KALRN: variants seen among roughly 807,000 people sequenced by gnomAD.
KALRN encodes kalirin.
KALRN carries 70 observed loss-of-function variants against 353.7 expected under a neutral mutation model. The observed-to-expected ratio is 0.20, with a 90% confidence interval of 0.16 to 0.24. KALRN has a LOEUF of 0.24. Ranked by LOEUF, KALRN falls within the 10% of genes least tolerant of loss-of-function variation. The probability of loss-of-function intolerance (pLI) is 1.00; values close to 1 mark genes in which losing one functional copy is unlikely to be tolerated. For synonymous variants in KALRN, 1,391 were observed against 1,434.8 expected (o/e 0.97, Z 0.69); for missense variants, 2,791 against 3,756.7 (o/e 0.74, Z 6.72).
At chr3:124,048,819 G>A (rs2040765699) in intron 1 of KALRN, among the ~76,000 whole-genome samples, 1 of 152,200 alleles carries the variant, frequency 6.6e-6, no homozygotes, top group African/African-American at 2.4e-5. Flanking sequence ...ACATTCTGTT[G>A]TGAGGATGTG....
chr3:124,655,802 T>C, intron 39 of KALRN, 135 bp downstream of exon 39: 1 of 666,074 alleles, frequency 1.5e-6, no homozygotes, highest in Non-Finnish European at 2.7e-6. Flanking sequence ...AAAATAAAAA[T>C]GGTAATAAGT....
intron 33 of KALRN, among the ~76,000 whole-genome samples, chr3:124,557,632 T>C (rs983652453): frequency 1.3e-5 from 2 of 152,230 alleles, no homozygotes; most frequent in African/African-American, 4.8e-5. Context: ...CCTGTGAGGC[T>C]GTTCATATGT....
intron 1 of KALRN, among the ~76,000 whole-genome samples, chr3:124,137,798 C>T (rs1281216565): frequency 6.6e-6 from 1 of 152,044 alleles, no homozygotes; most frequent in African/African-American, 2.4e-5. Context: ...AAAAATGGTG[C>T]TCTGGGTGTG....
chr3:124,673,112 C>T (rs2086667351), intron 48 of KALRN, among the ~76,000 whole-genome samples: 1 of 152,046 alleles, frequency 6.6e-6, no homozygotes, highest in Admixed American at 6.5e-5. Context: ...GGGCCAGATG[C>T]GCTGGCTCAC....
chr3:124,522,727 C>A (rs554661140), intron 33 of KALRN, among the ~76,000 whole-genome samples: 2 of 152,202 alleles, frequency 1.3e-5, no homozygotes, highest in Non-Finnish European at 2.9e-5. Flanking sequence ...CCAGGGACCA[C>A]AGTCTGAGAA....
chr3:124,307,189 G>C (rs2077784122), intron 6 of KALRN, among the ~76,000 whole-genome samples: 1 of 151,980 alleles, frequency 6.6e-6, no homozygotes, highest in South Asian at 2.1e-4. Flanking sequence ...GTATTGTTGG[G>C]CCTATAACAT....
intron 56 of KALRN, among the ~76,000 whole-genome samples, chr3:124,700,346 T>A (rs1579018900): frequency 6.6e-6 from 1 of 151,502 alleles, no homozygotes; most frequent in African/African-American, 2.4e-5. Flanking sequence ...ATACAAAGCC[T>A]CCTCCCACCC....
chr3:124,697,639 C>T lies in KALRN; in HGVS notation c.7746C>T (p.Cys2582=). Residue 2582 remains cysteine (C), a synonymous_variant, in exon 55 of 60, where the codon TGC becomes TGT. Transcript: ENST00000682506. ...GCCCCATTGCCCAGGAGAGAAGCTG[C>T]ACCTCCGTGATTCTCCGCTGGCTGC... is the stretch of plus-strand genomic sequence containing the variant. ...PNRPIAQERS[C]TSVILRWLPP... is the part of the protein sequence containing the mutation. 1 of 1,612,092 alleles carries T rather than the reference C, an allele frequency of 6.2e-7. No individual in the cohort carries two copies.
intron 6 of KALRN, among the ~76,000 whole-genome samples, chr3:124,309,940 A>G (rs1159857458): frequency 6.6e-6 from 1 of 152,220 alleles, no homozygotes. Context: ...TATTCGGGAA[A>G]AAGAAATAAG....
intron 2 of KALRN, among the ~76,000 whole-genome samples, chr3:124,230,241 C>T (rs989896310): frequency 3.3e-5 from 5 of 152,200 alleles, no homozygotes; most frequent in African/African-American, 1.2e-4. Context: ...CCTGCCAATA[C>T]TCCCATTTCT....
At position 124,368,322 on chromosome 3, in the gene KALRN, G is replaced by A. The variant is rs1417385519; in HGVS notation, c.1771-16523G>A. Among the ~76,000 whole-genome samples the A allele has an allele frequency of 4.1e-3, 582 of 141,578 alleles. 6 individuals carry two copies. Among genetic ancestry groups the A allele is most frequent in the African/African-American group, 0.013 (446 of 34,904 alleles). The allele number at this position is 141,578 out of a possible 152,430, so 92.9% of individuals were successfully genotyped here. On this transcript the variant is annotated intron_variant, in intron 10 of 59. Transcript: ENST00000682506. ...TTCCCAGATGGGGTGGCTGCCGGGC[G>A]GAGGGGCTCCTCATTTCTCAGACGG... is the stretch of plus-strand genomic sequence containing the variant.
intron 33 of KALRN, among the ~76,000 whole-genome samples, chr3:124,499,697 CT>C (rs1325424317): frequency 6.6e-6 from 1 of 152,180 alleles, no homozygotes; most frequent in African/African-American, 2.4e-5. Flanking sequence ...TGGATATTTG[CT>C]GTTAGCATTG....
At chr3:124,618,416 T>C (rs1489496830) in intron 34 of KALRN, among the ~76,000 whole-genome samples, 1 of 152,014 alleles carries the variant, frequency 6.6e-6, no homozygotes, top group Admixed American at 6.6e-5. Flanking sequence ...CGCCCAGCCA[T>C]GCAGAAATCT....
intron 10 of KALRN, among the ~76,000 whole-genome samples, chr3:124,351,485 G>A (rs1204355709): frequency 6.6e-6 from 1 of 152,188 alleles, no homozygotes; most frequent in African/African-American, 2.4e-5. Flanking sequence ...TCAAAAAATT[G>A]TCTTGAATCA....
chr3:124,236,550 C>T (rs964812040), intron 3 of KALRN, among the ~76,000 whole-genome samples: 2 of 152,094 alleles, frequency 1.3e-5, no homozygotes, highest in Admixed American at 6.6e-5. Context: ...ATTGGGATCC[C>T]GGAAGACACA....
chr3:124,211,277 T>C (rs182302005), intron 1 of KALRN, among the ~76,000 whole-genome samples: 8 of 152,360 alleles, frequency 5.3e-5, no homozygotes, highest in Non-Finnish European at 1.0e-4. Flanking sequence ...AACTAAGGAA[T>C]AGTGATGCTA....
chr3:124,324,487 C>G (rs2079670592), intron 6 of KALRN, among the ~76,000 whole-genome samples: 1 of 152,134 alleles, frequency 6.6e-6, no homozygotes, highest in Non-Finnish European at 1.5e-5. Flanking sequence ...ATTCTTACAT[C>G]TTTGAGGGAT....
intron 12 of KALRN, 38 bp downstream of exon 12, chr3:124,395,381 G>A (rs368429638): frequency 9.9e-5 from 152 of 1,540,958 alleles, no homozygotes; most frequent in Non-Finnish European, 1.2e-4. Flanking sequence ...GAAATGCCTC[G>A]GGCTAGACGT....
At chr3:124,134,554 A>C (rs2065697078) in intron 1 of KALRN, among the ~76,000 whole-genome samples, 1 of 152,364 alleles carries the variant, frequency 6.6e-6, no homozygotes, top group South Asian at 2.1e-4. Context: ...GAGCTTTTGC[A>C]TGGCAAAAGG....
Sources: allele counts gnomAD v4.1 joint callset (sites outside exome capture counted in the v4.1 genomes callset), GRCh38; gene constraint gnomAD v4.1.1; transcripts MANE v1.5; gene names NCBI Gene and HGNC (gene_info 2026-07-23, HGNC 2026-07-21).